IMMT: variants seen among roughly 807,000 people sequenced by gnomAD.
The protein encoded by IMMT is inner membrane mitochondrial protein, also known as MICOS complex subunit MIC60.
A neutral mutation model predicts 92.7 loss-of-function variants in IMMT; 40 were observed. The ratio of observed to expected loss-of-function variants is 0.43; its 90% confidence interval spans 0.34 to 0.56. The LOEUF is 0.56. IMMT is among the 20% of genes least tolerant of loss of function. The probability of loss-of-function intolerance (pLI) is 0.03; values close to 1 mark genes in which losing one functional copy is unlikely to be tolerated. For missense variants in IMMT, 831 were observed against 912.1 expected (o/e 0.91, Z 1.14); for synonymous variants, 322 against 336.1 (o/e 0.96, Z 0.46).
intron 10 of IMMT, among the ~76,000 whole-genome samples, chr2:86,158,161 G>A (rs371585009): frequency 6.6e-6 from 1 of 152,160 alleles, no homozygotes; most frequent in South Asian, 2.1e-4. Flanking sequence ...TCTCAACAAA[G>A]TGTTGTTTTG....
chr2:86,192,394 GC>G (rs1247129931), intron 1 of IMMT, among the ~76,000 whole-genome samples: 1 of 152,044 alleles, frequency 6.6e-6, no homozygotes, highest in Non-Finnish European at 1.5e-5. Context: ...TATCACTTGA[GC>G]CCAGAAGCTG....
intron 7 of IMMT, among the ~76,000 whole-genome samples, chr2:86,164,052 AT>A (rs540613367): frequency 0.25 from 15,782 of 62,268 alleles, 908 homozygotes; most frequent in East Asian, 0.35. Flanking sequence ...CACTTTAGTC[AT>A]TTTTTTTTTT....
At chr2:86,146,503 T>C (rs539413671) in intron 13 of IMMT, among the ~76,000 whole-genome samples, 1 of 151,642 alleles carries the variant, frequency 6.6e-6, no homozygotes, top group South Asian at 2.1e-4. Context: ...CCCAAGTAGC[T>C]GGGATTACAG....
intron 10 of IMMT, among the ~76,000 whole-genome samples, chr2:86,157,947 AT>A (rs1312382683): frequency 6.6e-6 from 1 of 152,074 alleles, no homozygotes; most frequent in African/African-American, 2.4e-5. Context: ...GACAAAAAAA[AT>A]AAAAATAAAA....
intron 11 of IMMT, 93 bp from the exon 12 acceptor site, chr2:86,151,613 C>T: frequency 1.1e-6 from 1 of 937,464 alleles, no homozygotes; most frequent in South Asian, 1.5e-5. Flanking sequence ...AATTTAAGAG[C>T]AGTAAACGAA....
intron 4 of IMMT, 48 bp from the exon 5 acceptor site, chr2:86,171,393 G>C (rs771410207): frequency 1.3e-6 from 2 of 1,562,230 alleles, no homozygotes; most frequent in Admixed American, 1.8e-5. Flanking sequence ...TGGGTTAACA[G>C]AGAAACACAC....
chr2:86,192,481 A>G (rs1317405308), intron 1 of IMMT, among the ~76,000 whole-genome samples: 1 of 152,160 alleles, frequency 6.6e-6, no homozygotes, highest in Non-Finnish European at 1.5e-5. Context: ...TCATGAACAC[A>G]TTCATTCTTT....
chr2:86,190,296 A>T (rs1673039566), intron 1 of IMMT, among the ~76,000 whole-genome samples: 1 of 152,268 alleles, frequency 6.6e-6, no homozygotes, highest in Admixed American at 6.5e-5. Flanking sequence ...CTAGAAGATG[A>T]TAGCTCATGT....
At chr2:86,182,526 C>G (rs1419791505) in intron 1 of IMMT, among the ~76,000 whole-genome samples, 1 of 152,160 alleles carries the variant, frequency 6.6e-6, no homozygotes, top group Non-Finnish European at 1.5e-5. Context: ...GCAGATACAA[C>G]TGGTATTAAA....
intron 9 of IMMT, chr2:86,159,220 G>A (rs906823636): frequency 1.6e-5 from 6 of 366,400 alleles, no homozygotes; most frequent in Non-Finnish European, 3.1e-5. Flanking sequence ...TGAGTAGCTA[G>A]GACTACAGGC....
chr2:86,163,329 T>C (rs982013937), intron 7 of IMMT, among the ~76,000 whole-genome samples: 3 of 151,920 alleles, frequency 2.0e-5, no homozygotes, highest in Non-Finnish European at 4.4e-5. Flanking sequence ...AAACAAAAAA[T>C]TATGTGAAAT....
chr2:86,155,932 A>G (rs1675823442), intron 10 of IMMT, among the ~76,000 whole-genome samples: 1 of 152,210 alleles, frequency 6.6e-6, no homozygotes, highest in South Asian at 2.1e-4. Context: ...TGCCATTTGT[A>G]CCTTTCAAAT....
chr2:86,148,614 A>G (rs1675228717), intron 12 of IMMT, among the ~76,000 whole-genome samples: 1 of 152,194 alleles, frequency 6.6e-6, no homozygotes, highest in African/African-American at 2.4e-5. Context: ...TCCATCTCAA[A>G]AAGAAAAAAG....
chr2:86,170,716 CA>C, intron 6 of IMMT, 32 bp downstream of exon 6: 1 of 1,450,180 alleles, frequency 6.9e-7, no homozygotes. Context: ...GGAGATGACC[CA>C]AAATCCTTAA....
At chr2:86,148,033 G>C (rs1675164366) in intron 12 of IMMT, among the ~76,000 whole-genome samples, 200 bp from the exon 13 acceptor site, 1 of 152,166 alleles carries the variant, frequency 6.6e-6, no homozygotes, top group Non-Finnish European at 1.5e-5. Context: ...AGATCACACA[G>C]CTGTGGCAAA....
At chr2:86,183,458 G>A (rs1265777773) in intron 1 of IMMT, among the ~76,000 whole-genome samples, 2 of 152,072 alleles carry the variant, frequency 1.3e-5, no homozygotes, top group Non-Finnish European at 2.9e-5. Context: ...ATTTTTAAAT[G>A]TTTCTTTATC....
Position 86,151,508 on chromosome 2 carries a change from G to A in IMMT, c.1190C>T (p.Ser397Phe), listed in dbSNP as rs775476960. The A allele has an allele frequency of 6.2e-7, 1 of 1,613,196 alleles. No individual in the cohort carries two copies. The highest frequency in any genetic ancestry group is 8.5e-7 in the Non-Finnish European group (1 of 1,179,138). Residue 397 changes from serine (S) to phenylalanine (F), a missense_variant, in exon 12 of 15, where the codon TCT (serine) becomes TTT (phenylalanine). Transcript: ENST00000410111. ...AATGAGGGAGTTCAGATCATCAGTA[G>A]AGAGCTTGTCAGCTAAGCAAAAGAG... is the stretch of plus-strand genomic sequence containing the variant. The part of the protein sequence containing the change: ...MSVSDLADKL[S>F]TDDLNSLIAH...
chr2:86,147,570 A>G, intron 13 of IMMT, 132 bp downstream of exon 13: 1 of 775,910 alleles, frequency 1.3e-6, no homozygotes, highest in Non-Finnish European at 2.0e-6. Flanking sequence ...CATTATGTAA[A>G]AAGAAGCAGT....
At chr2:86,162,850 A>T (rs569291218) in intron 7 of IMMT, among the ~76,000 whole-genome samples, 58 of 152,280 alleles carry the variant, frequency 3.8e-4, no homozygotes, top group African/African-American at 1.4e-3. Flanking sequence ...CTCAAAAAAA[A>T]GTTTTCCTTG....
Sources: gnomAD v4.1 joint callset for allele counts (sites outside exome capture counted in the v4.1 genomes callset) on GRCh38, gnomAD v4.1.1 for gene constraint, MANE v1.5 for transcripts, NCBI Gene and HGNC (gene_info 2026-07-23, HGNC 2026-07-21) for gene names.